PHLDB2: variants seen among roughly 807,000 people sequenced by gnomAD.
PHLDB2 encodes the protein pleckstrin homology like domain family B member 2, also known as pleckstrin homology-like domain family B member 2.
PHLDB2 carries 71 observed loss-of-function variants against 123.6 expected under a neutral mutation model. The ratio of observed to expected loss-of-function variants is 0.57; its 90% CI spans 0.47 to 0.70. The LOEUF (loss-of-function observed/expected upper bound fraction) is 0.70, where lower values mean the gene tolerates loss of function less well. Ranked by LOEUF, PHLDB2 falls within the 30% of genes least tolerant of loss-of-function variation. The pLI, the probability that PHLDB2 is intolerant of heterozygous loss-of-function variation, is 0.00. For synonymous variants in PHLDB2, 547 were observed against 541.6 expected (o/e 1.01, Z -0.14); for missense variants, 1,446 against 1,519.5 (o/e 0.95, Z 0.80).
chr3:111,848,070 G>T (rs2064081872), intron 2 of PHLDB2, among the ~76,000 whole-genome samples: 1 of 152,082 alleles, frequency 6.6e-6, no homozygotes, highest in East Asian at 1.9e-4. Flanking sequence ...CTCTGTGTAG[G>T]TAGGCAGTAT....
chr3:111,838,333 C>T (rs911118075), intron 1 of PHLDB2, among the ~76,000 whole-genome samples: 1 of 152,112 alleles, frequency 6.6e-6, no homozygotes. Flanking sequence ...TTCCTCAGTA[C>T]GCTCTTGCCT....
rs1195044691 is a variant in PHLDB2, at chr3:111,940,513, A to G, written c.2287-22A>G. ...TTGAGTGTCTAATGTACATCTTCCT[A>G]TGATCATCTCTTTTCCTCCAGGAAA... On this transcript the variant is annotated intron_variant, in intron 7 of 17. Coordinates refer to ENST00000431670, the MANE Select transcript of PHLDB2 (RefSeq NM_001134438.2). The G allele has an allele frequency of 3.5e-6, 5 of 1,442,298 alleles. No individual in the cohort carries two copies. The South Asian group carries it at 3.7e-5, about 11-fold the overall frequency. 89.3% of individuals were successfully genotyped at this position (1,442,298 alleles called of 1,614,324 possible).
At chr3:111,968,046 C>T (rs1172692889) in intron 15 of PHLDB2, among the ~76,000 whole-genome samples, 1 of 149,056 alleles carries the variant, frequency 6.7e-6, no homozygotes, top group East Asian at 2.0e-4. Flanking sequence ...CCAAATGACA[C>T]TTTTCTTTAG....
At chr3:111,835,374 T>A (rs2063350094) in intron 1 of PHLDB2, among the ~76,000 whole-genome samples, 2 of 152,192 alleles carry the variant, frequency 1.3e-5, no homozygotes, top group Non-Finnish European at 1.5e-5. Context: ...AAGTACTTTA[T>A]TAAGTGTTAC....
intron 1 of PHLDB2, among the ~76,000 whole-genome samples, chr3:111,738,831 T>C (rs1344362116): frequency 1.3e-5 from 2 of 152,092 alleles, no homozygotes; most frequent in Admixed American, 1.3e-4. Context: ...AAAGAAAGAA[T>C]CAGAAGTGTT....
intron 1 of PHLDB2, among the ~76,000 whole-genome samples, chr3:111,787,439 T>C (rs2060731993): frequency 1.3e-5 from 2 of 152,102 alleles, no homozygotes; most frequent in Non-Finnish European, 2.9e-5. Flanking sequence ...TGCACTTGGG[T>C]TTCAAATGCT....
intron 1 of PHLDB2, among the ~76,000 whole-genome samples, chr3:111,784,134 T>C (rs113352459): frequency 2.6e-4 from 39 of 152,238 alleles, no homozygotes; most frequent in African/African-American, 8.9e-4. Context: ...CAGATCAAGA[T>C]TGAGAAATAT....
chr3:111,926,502 G>A (rs1354095582), intron 5 of PHLDB2, among the ~76,000 whole-genome samples: 2 of 152,056 alleles, frequency 1.3e-5, no homozygotes, highest in Admixed American at 1.3e-4. Context: ...AATGGGATTT[G>A]GGGATTAAAT....
At chr3:111,792,119 GT>G (rs1399697203) in intron 1 of PHLDB2, among the ~76,000 whole-genome samples, 1 of 152,090 alleles carries the variant, frequency 6.6e-6, no homozygotes, top group Non-Finnish European at 1.5e-5. Flanking sequence ...ACTTTTACAT[GT>G]TTTCATGATG....
intron 1 of PHLDB2, among the ~76,000 whole-genome samples, chr3:111,871,730 A>G (rs1185294781): frequency 6.6e-6 from 1 of 152,212 alleles, no homozygotes; most frequent in Non-Finnish European, 1.5e-5. Flanking sequence ...TGATCCCTAC[A>G]GTTCACAGTA....
At position 111,779,174 on chromosome 3, in the gene PHLDB2, A is replaced by G. The variant is rs143113689; in HGVS notation, c.-49+46471A>G. Among the ~76,000 whole-genome samples, 241 of 152,226 alleles carry G rather than the reference A, an allele frequency of 1.6e-3. 1 individual carries two copies. Among genetic ancestry groups the G allele is most frequent in the African/African-American group, 5.5e-3 (230 of 41,552 alleles). On this transcript the variant is annotated intron_variant, in intron 1 of 17. Transcript: ENST00000393923. ...GACCACCTTTAAGAAGCACTGTTCT[A>G]TAGTATGACATTTCTGCTTCAGTTT... is the stretch of plus-strand genomic sequence containing the variant.
At chr3:111,782,883 G>A (rs543826262) in intron 1 of PHLDB2, among the ~76,000 whole-genome samples, 1 of 152,102 alleles carries the variant, frequency 6.6e-6, no homozygotes, top group Non-Finnish European at 1.5e-5. Flanking sequence ...TAGACATAGT[G>A]TCTTCTTTTT....
intron 2 of PHLDB2, chr3:111,885,823 C>T: frequency 1.8e-6 from 1 of 549,654 alleles, no homozygotes; most frequent in Non-Finnish European, 3.2e-6. Context: ...AATCATGACT[C>T]ACCAAGAATT....
intron 1 of PHLDB2, among the ~76,000 whole-genome samples, chr3:111,738,451 T>C (rs1049202976): frequency 2.6e-5 from 4 of 152,206 alleles, no homozygotes; most frequent in Admixed American, 1.3e-4. Flanking sequence ...CATTTATTGA[T>C]GGGTTATCCA....
At chr3:111,902,369 G>C (rs1327573468) in intron 2 of PHLDB2, among the ~76,000 whole-genome samples, 1 of 152,132 alleles carries the variant, frequency 6.6e-6, no homozygotes, top group Non-Finnish European at 1.5e-5. Flanking sequence ...AAGGTGGGAG[G>C]ATCACTTGAG....
chr3:111,795,193 A>G (rs2061101743), intron 1 of PHLDB2, among the ~76,000 whole-genome samples: 1 of 152,196 alleles, frequency 6.6e-6, no homozygotes, highest in South Asian at 2.1e-4. Flanking sequence ...GCACTTCTTT[A>G]TTTTAAGAAA....
intron 1 of PHLDB2, among the ~76,000 whole-genome samples, chr3:111,797,270 G>A (rs1366558227): frequency 6.6e-6 from 1 of 152,166 alleles, no homozygotes; most frequent in African/African-American, 2.4e-5. Context: ...AGTGCCTAAT[G>A]AATAGCAGAT....
chr3:111,785,111 TA>T (rs1488219965), intron 1 of PHLDB2, among the ~76,000 whole-genome samples: 13 of 152,182 alleles, frequency 8.5e-5, no homozygotes, highest in Admixed American at 8.5e-4. Flanking sequence ...TTTGTCTGCA[TA>T]GAATATTGGC....
intron 5 of PHLDB2, among the ~76,000 whole-genome samples, chr3:111,930,845 T>C (rs1468789118): frequency 6.6e-6 from 1 of 152,240 alleles, no homozygotes; most frequent in Non-Finnish European, 1.5e-5. Context: ...GATTGGTATG[T>C]GAAGTAGGGG....
Sources: allele counts gnomAD v4.1 joint callset (sites outside exome capture counted in the v4.1 genomes callset), GRCh38; gene constraint gnomAD v4.1.1; transcripts MANE v1.5; gene names NCBI Gene and HGNC (gene_info 2026-07-23, HGNC 2026-07-21).